The following C6orf118 variants were observed in gnomAD, a reference collection of about 807,000 sequenced individuals.
C6orf118 encodes the protein chromosome 6 open reading frame 118.
Under a neutral mutation model 50.2 loss-of-function variants are expected in C6orf118, and 50 were observed. That is an observed-to-expected ratio of 1.00 (90% CI 0.79 to 1.26). The LOEUF (loss-of-function observed/expected upper bound fraction) is 1.26, where lower values mean the gene tolerates loss of function less well. C6orf118 is among the 50% of genes most tolerant of loss of function. The pLI is 0.00. For missense variants in C6orf118, 641 were observed against 578.7 expected (o/e 1.11, Z -1.10); for synonymous variants, 239 against 230.9 (o/e 1.03, Z -0.32).
rs1035451221 is a variant in C6orf118 at position 165,305,714 on chromosome 6, C to T, written c.26-3418G>A. Among the ~76,000 whole-genome samples the T allele has an allele frequency of 8.3e-5, 10 of 121,082 alleles. No homozygotes were observed. In the South Asian group the frequency reaches 1.6e-3, roughly 19 times the overall value. 79.4% of individuals were successfully genotyped at this position (121,082 alleles called of 152,430 possible). A position where few individuals can be genotyped will look rare whatever the true frequency, so the allele number is the denominator to read the frequency against. ...AAGACATTTATGCAGCCAAAAAACA[C>T]ATGAAGAAATGCTCATCATCACTGG... is the stretch of plus-strand genomic sequence containing the variant. On this transcript the variant is annotated intron_variant, in intron 1 of 8. Transcript: ENST00000230301.
chr6:165,307,749 A>G (rs565678906), intron 1 of C6orf118, among the ~76,000 whole-genome samples: 1 of 152,300 alleles, frequency 6.6e-6, no homozygotes, highest in African/African-American at 2.4e-5. Flanking sequence ...AAAGACTTCC[A>G]AGAACAGAGC....
chr6:165,305,164 T>C (rs1267358094), intron 1 of C6orf118, among the ~76,000 whole-genome samples: 1 of 54,126 alleles, frequency 1.8e-5, no homozygotes, highest in African/African-American at 1.3e-4. Context: ...TCAGAAATAA[T>C]GCCACATATC....
Position 165,289,353 on chromosome 6 carries a change from T to TA in C6orf118, c.1302+532dup, listed in dbSNP as rs553427979. Among the ~76,000 whole-genome samples, 407 of 152,094 alleles carry TA rather than the reference T, an allele frequency of 2.7e-3. 1 individual carries two copies. The highest frequency in any genetic ancestry group is 4.6e-3 in the African/African-American group (190 of 41,514). On this transcript the variant is annotated intron_variant, in intron 7 of 8. Coordinates refer to ENST00000230301, the MANE Select transcript of C6orf118 (RefSeq NM_144980.4). ...AATATATTTAACTATAGAACCACAA[T>TA]AAAAAAAATCATGTATTTCTTATAT...
intron 7 of C6orf118, among the ~76,000 whole-genome samples, chr6:165,282,621 A>G (rs904965865): frequency 6.1e-5 from 9 of 146,738 alleles, no homozygotes; most frequent in Admixed American, 6.9e-5. Flanking sequence ...TGTCTGATAC[A>G]TTGTAAATCC....
chr6:165,306,505 A>G (rs188608240), intron 1 of C6orf118, among the ~76,000 whole-genome samples: 1 of 143,934 alleles, frequency 6.9e-6, no homozygotes, highest in Admixed American at 7.0e-5. Context: ...AAAGAATAAT[A>G]TTCATAGAAA....
intron 5 of C6orf118, among the ~76,000 whole-genome samples, chr6:165,294,706 T>C (rs1780230609): frequency 6.6e-6 from 1 of 152,052 alleles, no homozygotes; most frequent in African/African-American, 2.4e-5. Flanking sequence ...GGCAACATGG[T>C]GAAACCCCAG....
chr6:165,292,717 G>T (rs1307655947), intron 6 of C6orf118, among the ~76,000 whole-genome samples: 1 of 152,168 alleles, frequency 6.6e-6, no homozygotes, highest in Non-Finnish European at 1.5e-5. Context: ...GTCAGCCTGG[G>T]ACAGAGAACA....
chr6:165,294,488 G>A (rs570083849), intron 5 of C6orf118, among the ~76,000 whole-genome samples: 1 of 152,238 alleles, frequency 6.6e-6, no homozygotes, highest in South Asian at 2.1e-4. Flanking sequence ...ATAATTTAAA[G>A]CCAAATGTCT....
At chr6:165,295,841 T>C (rs981749256) in intron 5 of C6orf118, among the ~76,000 whole-genome samples, 1 of 152,056 alleles carries the variant, frequency 6.6e-6, no homozygotes. Flanking sequence ...CCCTTTCCCT[T>C]AACCCCCTTC....
chr6:165,283,534 G>C (rs1447683926), intron 7 of C6orf118, among the ~76,000 whole-genome samples: 1 of 152,146 alleles, frequency 6.6e-6, no homozygotes, highest in Non-Finnish European at 1.5e-5. Flanking sequence ...CCTCCCAACA[G>C]GGATCGCCAG....
At chr6:165,289,171 C>A (rs1780020324) in intron 7 of C6orf118, among the ~76,000 whole-genome samples, 1 of 147,816 alleles carries the variant, frequency 6.8e-6, no homozygotes, top group South Asian at 2.1e-4. Context: ...CATGTCCCCC[C>A]TCCAAAAAAA....
rs144189175 is a variant in C6orf118, at chr6:165,297,933, C to A, written c.1061+44G>T. ...GTCACAGCGGTTTCAGACCTTGTTA[C>A]GGAAGAATCTAAACATAGATCAGAT... On this transcript the variant is annotated intron_variant, in intron 5 of 8. Transcript: ENST00000230301. 1.8e-5 allele frequency: 29 copies of A among 1,611,380 alleles called. No homozygotes were observed. In the Middle Eastern group the frequency reaches 6.6e-4, roughly 37 times the overall value.
intron 5 of C6orf118, among the ~76,000 whole-genome samples, chr6:165,297,279 G>T (rs1583017442): frequency 6.6e-6 from 1 of 151,812 alleles, no homozygotes; most frequent in East Asian, 1.9e-4. Context: ...AAATTAGCCG[G>T]GCGTGGTGGT....
At chr6:165,281,254 T>C (rs1277179068) in intron 8 of C6orf118, among the ~76,000 whole-genome samples, 1 of 152,204 alleles carries the variant, frequency 6.6e-6, no homozygotes, top group Non-Finnish European at 1.5e-5. Context: ...TCCAGCTTTA[T>C]CCAATAAATT....
At chr6:165,288,148 G>C (rs912449215) in intron 7 of C6orf118, among the ~76,000 whole-genome samples, 3 of 152,208 alleles carry the variant, frequency 2.0e-5, no homozygotes, top group African/African-American at 7.2e-5. Flanking sequence ...CTCAAAAGAA[G>C]ACATACATGT....
At chr6:165,302,455 C>T (rs902052889) in intron 1 of C6orf118, among the ~76,000 whole-genome samples, 159 bp from the exon 2 acceptor site, 1 of 152,100 alleles carries the variant, frequency 6.6e-6, no homozygotes, top group African/African-American at 2.4e-5. Context: ...TCAAAGGCAC[C>T]CGTGCCCGGC....
chr6:165,286,443 C>G (rs1000359142), intron 7 of C6orf118, among the ~76,000 whole-genome samples: 3 of 152,086 alleles, frequency 2.0e-5, no homozygotes, highest in Admixed American at 6.6e-5. Context: ...CCCGCATCAT[C>G]CTGGTACCAA....
At position 165,301,663 on chromosome 6, in the gene C6orf118, C is replaced by G; in HGVS notation, c.659G>C (p.Arg220Pro). ...TSADRYRMFLRFQKEVLAKQD... is the reference protein window; with the variant it reads ...TSADRYRMFLPFQKEVLAKQD... ...CTTGGCGAGCACTTCCTTCTGGAAACGCAGGAACATCCTGTACCTGTCTGC... is the reference window on the plus strand; with the variant it reads ...CTTGGCGAGCACTTCCTTCTGGAAAGGCAGGAACATCCTGTACCTGTCTGC... Residue 220 changes from arginine to proline, a missense_variant, in exon 2 of 9, where the codon CGT (arginine) becomes CCT (proline). Arg to Pro is a moderately radical substitution (Grantham distance 103). Coordinates refer to ENST00000230301, the MANE Select transcript of C6orf118 (RefSeq NM_144980.4). 1 of 1,614,164 alleles carries G rather than the reference C, an allele frequency of 6.2e-7. No individual in the cohort carries two copies. Among genetic ancestry groups the G allele is most frequent in the Non-Finnish European group, 8.5e-7 (1 of 1,180,026 alleles).
chr6:165,309,508 AT>A (rs1367707537), intron 1 of C6orf118, 53 bp downstream of exon 1: 11 of 1,607,772 alleles, frequency 6.8e-6, no homozygotes, highest in Non-Finnish European at 9.4e-6. Context: ...TCCCTCCACA[AT>A]TGAACATCAA....
Sources: allele counts gnomAD v4.1 joint callset (sites outside exome capture counted in the v4.1 genomes callset), GRCh38; gene constraint gnomAD v4.1.1; transcripts MANE v1.5; gene names NCBI Gene and HGNC (gene_info 2026-07-23, HGNC 2026-07-21).